Variants in SRGAP1 observed in about 807,000 individuals in gnomAD.
The protein encoded by SRGAP1 is SLIT-ROBO Rho GTPase-activating protein 1.
A neutral mutation model predicts 121.9 loss-of-function variants in SRGAP1; 43 were observed. The ratio of observed to expected loss-of-function variants is 0.35; its 90% CI spans 0.28 to 0.46. The LOEUF is 0.46. SRGAP1 is among the 20% of genes least tolerant of loss of function. SRGAP1 has a pLI of 1.00. For missense variants in SRGAP1, 1,102 were observed against 1,350.9 expected, an observed-to-expected ratio of 0.82 and a Z score of 2.89; for synonymous variants, 447 against 485.4, an observed-to-expected ratio of 0.92 and a Z score of 1.04.
chr12:63,951,323 C>T (rs569765440), intron 1 of SRGAP1, among the ~76,000 whole-genome samples: 330 of 151,916 alleles, frequency 2.2e-3, no homozygotes, highest in Non-Finnish European at 4.0e-3. Context: ...ACCACCATGC[C>T]CGGCTAATTT....
At chr12:63,845,099 C>G (rs1898858556) in intron 1 of SRGAP1, among the ~76,000 whole-genome samples, 2 of 152,152 alleles carry the variant, frequency 1.3e-5, no homozygotes, top group Admixed American at 6.6e-5. Context: ...TGGGTGACTT[C>G]CCCCGCCAGC....
Position 63,916,032 on chromosome 12 carries a change from C to CTTTTTT in SRGAP1, c.68-67902_68-67897dup, listed in dbSNP as rs140042368. ...GAAATGGTGTCTTTTCTTTTCTTTT[C>CTTTTTT]TTTTTTTTTTTTTTTTTTGAGATGG... On this transcript the variant is annotated intron_variant, in intron 1 of 21. Transcript: ENST00000355086. Among the ~76,000 whole-genome samples, 363 of 124,990 alleles carry CTTTTTT rather than the reference C, an allele frequency of 2.9e-3. 1 individual carries two copies. Among genetic ancestry groups the CTTTTTT allele is most frequent in the Middle Eastern group, 4.2e-3 (1 of 240 alleles). 82.0% of individuals were successfully genotyped at this position (124,990 alleles called of 152,430 possible).
In SRGAP1 at chr12:64,137,867, G is replaced by A. The variant is rs910215929; in HGVS notation, c.2881-4428G>A. Reference sequence around the variant, plus strand: ...TGAGTGGGAGAAGCCCTGGGAATATGTCAGGAAGAGATATTTCAGTCACCA... The same window carrying A: ...TGAGTGGGAGAAGCCCTGGGAATATATCAGGAAGAGATATTTCAGTCACCA... On this transcript the variant is annotated intron_variant, in intron 21 of 21. Transcript: ENST00000355086. 4.6e-5 allele frequency among the ~76,000 whole-genome samples: 7 copies of A among 151,122 alleles called. 1 individual carries two copies. The South Asian group carries it at 1.5e-3, about 32-fold the overall frequency.
intron 1 of SRGAP1, among the ~76,000 whole-genome samples, chr12:63,926,998 A>G (rs1459258216): frequency 2.6e-5 from 4 of 152,120 alleles, no homozygotes; most frequent in African/African-American, 9.7e-5. Flanking sequence ...ACTTCATTCT[A>G]TTTCTGAGCA....
At chr12:64,065,283 C>A in intron 8 of SRGAP1, 64 bp downstream of exon 8, 1 of 1,329,774 alleles carries the variant, frequency 7.5e-7, no homozygotes, top group South Asian at 1.3e-5. Flanking sequence ...AAGACATTCT[C>A]ACATGACTTG....
intron 1 of SRGAP1, among the ~76,000 whole-genome samples, chr12:63,907,550 TTAAAG>T (rs1388602113): frequency 6.6e-6 from 1 of 151,690 alleles, no homozygotes; most frequent in East Asian, 1.9e-4. Context: ...AAAAAAAAAA[TTAAAG>T]TAAAATAAAA....
intron 1 of SRGAP1, among the ~76,000 whole-genome samples, chr12:63,938,245 G>A (rs1053164989): frequency 1.3e-5 from 2 of 152,200 alleles, no homozygotes; most frequent in African/African-American, 2.4e-5. Context: ...GCTTCTAAAT[G>A]TAAATGCTTA....
Position 63,972,994 on chromosome 12 carries a change from A to G in SRGAP1, c.68-10953A>G, listed in dbSNP as rs146633155. 5.3e-3 allele frequency among the ~76,000 whole-genome samples: 803 copies of G among 152,212 alleles called. 5 individuals are homozygous for G. The highest frequency in any genetic ancestry group is 0.018 in the African/African-American group (734 of 41,512). On this transcript the variant is annotated intron_variant, in intron 1 of 21. Transcript: ENST00000355086. ...AAACCTTGTCTCTACTAAAAATACA[A>G]AAATTAGCCGGGCATGGTGGCAGGC...
chr12:64,096,885 A>T (rs191803295), intron 14 of SRGAP1, among the ~76,000 whole-genome samples: 1 of 152,208 alleles, frequency 6.6e-6, no homozygotes, highest in Non-Finnish European at 1.5e-5. Context: ...GGTAAGAAAC[A>T]CAGGATGTAG....
intron 7 of SRGAP1, among the ~76,000 whole-genome samples, chr12:64,064,071 A>G (rs889669465): frequency 3.9e-5 from 6 of 152,176 alleles, no homozygotes; most frequent in Non-Finnish European, 8.8e-5. Context: ...AGCTTATCCC[A>G]TCTTTCCAAA....
At chr12:64,043,341 A>G in intron 5 of SRGAP1, 106 bp from the exon 6 acceptor site, 2 of 1,118,154 alleles carry the variant, frequency 1.8e-6, no homozygotes, top group Non-Finnish European at 2.5e-6. Context: ...TCATTTGTAT[A>G]TGTGGAATAA....
intron 4 of SRGAP1, among the ~76,000 whole-genome samples, chr12:64,035,660 G>A (rs1225122582): frequency 1.3e-5 from 2 of 152,168 alleles, no homozygotes; most frequent in African/African-American, 4.8e-5. Flanking sequence ...TTTTATAAAT[G>A]TGTGTCTTTG....
At chr12:64,128,929 T>G (rs1278732262) in intron 21 of SRGAP1, among the ~76,000 whole-genome samples, 1 of 152,104 alleles carries the variant, frequency 6.6e-6, no homozygotes, top group Non-Finnish European at 1.5e-5. Context: ...CTACCATTTT[T>G]CCCTCTGGTT....
intron 1 of SRGAP1, among the ~76,000 whole-genome samples, chr12:63,939,313 A>G (rs1305055715): frequency 1.3e-5 from 2 of 151,954 alleles, no homozygotes; most frequent in African/African-American, 4.8e-5. Context: ...GTAATACTCA[A>G]CCTCCCTCCT....
intron 1 of SRGAP1, among the ~76,000 whole-genome samples, chr12:63,973,138 G>C (rs543078337): frequency 6.6e-6 from 1 of 152,064 alleles, no homozygotes; most frequent in Non-Finnish European, 1.5e-5. Context: ...ACAGAGTGAG[G>C]CTCCGTCTCA....
intron 1 of SRGAP1, chr12:63,871,962 G>A: frequency 4.6e-6 from 5 of 1,082,116 alleles, no homozygotes; most frequent in Non-Finnish European, 7.2e-6. Flanking sequence ...CTGGGCATAC[G>A]ATGAATCCTT....
At chr12:64,060,857 G>A (rs893265043) in intron 6 of SRGAP1, among the ~76,000 whole-genome samples, 3 of 152,134 alleles carry the variant, frequency 2.0e-5, no homozygotes, top group Admixed American at 2.0e-4. Flanking sequence ...CCTTGTGGAT[G>A]GAGATAGTTT....
At position 64,097,280 on chromosome 12, in the gene SRGAP1, T is replaced by C. The variant is rs1351603146; in HGVS notation, c.1718T>C (p.Ile573Thr). 4 of 1,612,996 alleles carry C rather than the reference T, an allele frequency of 2.5e-6. No individual in the cohort carries two copies. Among genetic ancestry groups the C allele is most frequent in the Non-Finnish European group, 3.4e-6 (4 of 1,179,844 alleles). ...PLADDQSNHD[I>T]NSVAGVLKLY... Reference sequence around the variant, plus strand: ...GCTGATGACCAGAGTAACCATGATATTAACTCAGTTGCTGGCGTTCTGAAG... The same window carrying C: ...GCTGATGACCAGAGTAACCATGATACTAACTCAGTTGCTGGCGTTCTGAAG... Residue 573 changes from isoleucine (I) to threonine (T), a missense_variant, in exon 15 of 22, where the codon ATT becomes ACT. Transcript: ENST00000355086.
intron 4 of SRGAP1, among the ~76,000 whole-genome samples, chr12:64,034,693 A>G (rs2034859906): frequency 6.6e-6 from 1 of 152,160 alleles, no homozygotes; most frequent in African/African-American, 2.4e-5. Flanking sequence ...GCAGTGAGTA[A>G]TATTGTAATT....
Sources: allele counts gnomAD v4.1 joint callset (sites outside exome capture counted in the v4.1 genomes callset), GRCh38; gene constraint gnomAD v4.1.1; transcripts MANE v1.5; gene names NCBI Gene and HGNC (gene_info 2026-07-23, HGNC 2026-07-21).